CTNNA2: variants seen among roughly 807,000 people sequenced by gnomAD.
CTNNA2 encodes the protein catenin alpha-2.
Under a neutral mutation model 101.0 loss-of-function variants are expected in CTNNA2, and 42 were observed. The observed-to-expected ratio is 0.42, with a 90% confidence interval of 0.32 to 0.54. CTNNA2 has a LOEUF of 0.54. Ranked by LOEUF, CTNNA2 falls within the 20% of genes least tolerant of loss-of-function variation. The pLI is 0.14. For synonymous variants in CTNNA2, 450 were observed against 456.4 expected, an observed-to-expected ratio of 0.99 and a Z score of 0.18; for missense variants, 871 against 1,223.1, an observed-to-expected ratio of 0.71 and a Z score of 4.29.
chr2:79,236,424 C>T (rs939611269), intron 2 of CTNNA2, among the ~76,000 whole-genome samples: 1 of 152,198 alleles, frequency 6.6e-6, no homozygotes, highest in African/African-American at 2.4e-5. Flanking sequence ...TGAACCACTG[C>T]ACCTTTAAGT....
At chr2:79,955,954 G>C (rs923496527) in intron 7 of CTNNA2, among the ~76,000 whole-genome samples, 2 of 152,216 alleles carry the variant, frequency 1.3e-5, no homozygotes, top group African/African-American at 4.8e-5. Flanking sequence ...CCAGGTTTCT[G>C]ATAAGAAGTA....
At chr2:79,773,106 A>G (rs980466576) in intron 3 of CTNNA2, among the ~76,000 whole-genome samples, 4 of 152,230 alleles carry the variant, frequency 2.6e-5, no homozygotes, top group African/African-American at 7.2e-5. Flanking sequence ...GGAAACAGCC[A>G]TGAAGACTAG....
intron 9 of CTNNA2, among the ~76,000 whole-genome samples, chr2:80,475,131 T>G (rs1685626799): frequency 6.6e-6 from 1 of 152,188 alleles, no homozygotes; most frequent in East Asian, 1.9e-4. Context: ...ATGATAAATG[T>G]TTCTTCAAAT....
intron 4 of CTNNA2, among the ~76,000 whole-genome samples, chr2:79,404,223 T>C (rs1678318582): frequency 1.3e-5 from 2 of 151,918 alleles, no homozygotes; most frequent in African/African-American, 4.8e-5. Flanking sequence ...ACCAAGTACA[T>C]GGTTGTCATA....
At chr2:80,254,141 CTCTA>C (rs1197896282) in intron 7 of CTNNA2, among the ~76,000 whole-genome samples, 3 of 152,088 alleles carry the variant, frequency 2.0e-5, no homozygotes, top group Non-Finnish European at 2.9e-5. Flanking sequence ...TGTTCTTCAA[CTCTA>C]TCTATATCTC....
At chr2:79,594,891 A>C (rs1276880570) in intron 1 of CTNNA2, among the ~76,000 whole-genome samples, 1 of 152,274 alleles carries the variant, frequency 6.6e-6, no homozygotes, top group East Asian at 1.9e-4. Context: ...GAAGGAAAAA[A>C]GAATATTCCT....
intron 2 of CTNNA2, among the ~76,000 whole-genome samples, chr2:79,217,902 C>G (rs1674287249): frequency 6.6e-6 from 1 of 152,210 alleles, no homozygotes; most frequent in Non-Finnish European, 1.5e-5. Context: ...ACTTCTTTAA[C>G]TAGCTTGTGA....
At chr2:80,368,781 AAAAAGAAAAG>A (rs546355830) in intron 7 of CTNNA2, among the ~76,000 whole-genome samples, 6 of 151,252 alleles carry the variant, frequency 4.0e-5, no homozygotes, top group African/African-American at 9.7e-5. Context: ...TAGCAAAAAA[AAAAAGAAAAG>A]AAAAGAAAAG....
At chr2:79,659,917 C>T (rs1455262368) in intron 2 of CTNNA2, among the ~76,000 whole-genome samples, 4 of 152,102 alleles carry the variant, frequency 2.6e-5, no homozygotes, top group African/African-American at 7.2e-5. Flanking sequence ...TGCTTCAGCC[C>T]AGGAGTTCCA....
intron 7 of CTNNA2, among the ~76,000 whole-genome samples, chr2:80,378,359 AAAAT>A (rs70940081): frequency 0.31 from 38,993 of 126,462 alleles, 5,966 homozygotes; most frequent in East Asian, 0.52. Context: ...TCTGTCTCAA[AAAAT>A]AAATAAATAA....
Position 80,277,830 on chromosome 2 carries a change from T to C in CTNNA2, c.1057-115381T>C, listed in dbSNP as rs543504913. Among the ~76,000 whole-genome samples, 45 of 152,268 alleles carry C rather than the reference T, an allele frequency of 3.0e-4. No individual in the cohort carries two copies. The South Asian group carries it at 9.1e-3, about 31-fold the overall frequency. On this transcript the variant is annotated intron_variant, in intron 7 of 18. Coordinates refer to ENST00000402739, the MANE Select transcript of CTNNA2 (RefSeq NM_001282597.3). Reference sequence around the variant, plus strand: ...GTCATCAACCACGTCAACCTTCTGGTAATTTCTCCTCAGAGCCCTGTTCTG... The same window carrying C: ...GTCATCAACCACGTCAACCTTCTGGCAATTTCTCCTCAGAGCCCTGTTCTG...
intron 7 of CTNNA2, among the ~76,000 whole-genome samples, chr2:80,346,357 A>AAG (rs1233569399): frequency 6.6e-6 from 1 of 152,104 alleles, no homozygotes; most frequent in Non-Finnish European, 1.5e-5. Flanking sequence ...GCAAGAGTAA[A>AAG]AGAGAGAGAG....
intron 3 of CTNNA2, among the ~76,000 whole-genome samples, chr2:79,750,472 C>G (rs1416935525): frequency 2.0e-5 from 3 of 152,198 alleles, no homozygotes; most frequent in Non-Finnish European, 4.4e-5. Context: ...GCTTAGATTA[C>G]TTATCAATCC....
At chr2:79,581,002 T>C (rs1047097824) in intron 1 of CTNNA2, among the ~76,000 whole-genome samples, 1 of 152,186 alleles carries the variant, frequency 6.6e-6, no homozygotes, top group African/African-American at 2.4e-5. Flanking sequence ...TCCAAGGAAT[T>C]TTAGTTGGTT....
chr2:80,034,474 C>G (rs1239904448), intron 7 of CTNNA2, among the ~76,000 whole-genome samples: 5 of 151,690 alleles, frequency 3.3e-5, no homozygotes, highest in African/African-American at 9.7e-5. Context: ...CTGCCTCAGC[C>G]TCCCAAGTAG....
At chr2:80,070,374 C>G (rs1307653227) in intron 7 of CTNNA2, among the ~76,000 whole-genome samples, 5 of 152,102 alleles carry the variant, frequency 3.3e-5, no homozygotes, top group Non-Finnish European at 7.3e-5. Context: ...TTATCACAAA[C>G]TTGGTTGCAT....
chr2:79,793,321 T>A (rs948644755), intron 3 of CTNNA2, among the ~76,000 whole-genome samples: 8 of 152,144 alleles, frequency 5.3e-5, no homozygotes, highest in Non-Finnish European at 8.8e-5. Flanking sequence ...TCATGTTGGA[T>A]CCCCTTACGC....
intron 2 of CTNNA2, among the ~76,000 whole-genome samples, chr2:79,740,283 A>G (rs931508524): frequency 2.0e-5 from 3 of 152,158 alleles, no homozygotes; most frequent in Non-Finnish European, 4.4e-5. Flanking sequence ...TTGTTTGCTA[A>G]GGATAATGTC....
intron 9 of CTNNA2, among the ~76,000 whole-genome samples, chr2:80,525,837 C>G (rs1689986792): frequency 6.6e-6 from 1 of 152,086 alleles, no homozygotes; most frequent in Admixed American, 6.5e-5. Context: ...GCATAAGGTG[C>G]AATACGTGTG....
Sources: gnomAD v4.1 joint callset for allele counts (sites outside exome capture counted in the v4.1 genomes callset) on GRCh38, gnomAD v4.1.1 for gene constraint, MANE v1.5 for transcripts, NCBI Gene and HGNC (gene_info 2026-07-23, HGNC 2026-07-21) for gene names.